The following CNTN5 variants were observed in gnomAD, a reference collection of about 807,000 sequenced individuals.
CNTN5 encodes the protein contactin 5.
Under a neutral mutation model 129.1 loss-of-function variants are expected in CNTN5, and 77 were observed. That is an observed-to-expected ratio of 0.60 (90% CI 0.50 to 0.72). The LOEUF is 0.72. Ranked by LOEUF, CNTN5 falls within the 30% of genes least tolerant of loss-of-function variation. The pLI is 0.00. For missense variants in CNTN5, 1,478 were observed against 1,328.8 expected (o/e 1.11, Z -1.75); for synonymous variants, 509 against 465.6 (o/e 1.09, Z -1.20).
At chr11:99,111,824 T>C (rs1857810035) in intron 1 of CNTN5, among the ~76,000 whole-genome samples, 1 of 152,030 alleles carries the variant, frequency 6.6e-6, no homozygotes, top group Admixed American at 6.6e-5. Context: ...TCTATATTTG[T>C]CCTAATTAAT....
intron 18 of CNTN5, among the ~76,000 whole-genome samples, chr11:100,282,731 CA>C (rs1215143103): frequency 6.7e-6 from 1 of 149,108 alleles, no homozygotes; most frequent in East Asian, 2.0e-4. Flanking sequence ...CCAGGGACTA[CA>C]GTCAAAATCC....
At chr11:99,591,863 T>C (rs1201845093) in intron 3 of CNTN5, among the ~76,000 whole-genome samples, 1 of 152,086 alleles carries the variant, frequency 6.6e-6, no homozygotes, top group Non-Finnish European at 1.5e-5. Context: ...CAAACTGAAA[T>C]ACCAGTATTT....
intron 13 of CNTN5, among the ~76,000 whole-genome samples, chr11:100,162,757 G>A (rs1369334225): frequency 6.6e-6 from 1 of 151,828 alleles, no homozygotes; most frequent in Non-Finnish European, 1.5e-5. Flanking sequence ...TGGTGCAAAT[G>A]CTTTTTCCCT....
At chr11:99,654,886 T>C (rs1451422322) in intron 3 of CNTN5, among the ~76,000 whole-genome samples, 4 of 102,540 alleles carry the variant, frequency 3.9e-5, no homozygotes, top group Non-Finnish European at 7.2e-5. Context: ...AGAAACTAGG[T>C]TGCAGCAGAA....
chr11:99,335,261 C>A (rs1381935294), intron 2 of CNTN5, among the ~76,000 whole-genome samples: 1 of 152,066 alleles, frequency 6.6e-6, no homozygotes, highest in Non-Finnish European at 1.5e-5. Flanking sequence ...CCTCTGCAAT[C>A]TTGTTCTAAA....
intron 6 of CNTN5, among the ~76,000 whole-genome samples, chr11:99,904,889 C>A (rs1283303094): frequency 1.3e-5 from 2 of 152,174 alleles, no homozygotes; most frequent in Non-Finnish European, 2.9e-5. Flanking sequence ...TCTCTAATGA[C>A]CAGCAATGAT....
chr11:100,148,958 T>C (rs1213299245), intron 13 of CNTN5, among the ~76,000 whole-genome samples: 1 of 152,222 alleles, frequency 6.6e-6, no homozygotes, highest in East Asian at 1.9e-4. Context: ...AAGAACTTGA[T>C]GAACATATTA....
intron 2 of CNTN5, among the ~76,000 whole-genome samples, chr11:99,336,948 A>T (rs73541009): frequency 6.6e-6 from 1 of 152,146 alleles, no homozygotes; most frequent in South Asian, 2.1e-4. Context: ...CTTGGTGTAC[A>T]GATTTTTTTT....
intron 1 of CNTN5, among the ~76,000 whole-genome samples, chr11:99,172,664 G>A (rs974765226): frequency 6.6e-6 from 1 of 152,124 alleles, no homozygotes; most frequent in Non-Finnish European, 1.5e-5. Context: ...AATTAAATAA[G>A]CACAACAATG....
At chr11:99,112,266 C>A (rs1354950998) in intron 1 of CNTN5, among the ~76,000 whole-genome samples, 3 of 151,908 alleles carry the variant, frequency 2.0e-5, no homozygotes, top group Non-Finnish European at 4.4e-5. Context: ...ATTATACACA[C>A]AGGGTCTCCA....
At chr11:100,228,531 C>G (rs1380339260) in intron 16 of CNTN5, among the ~76,000 whole-genome samples, 1 of 152,186 alleles carries the variant, frequency 6.6e-6, no homozygotes, top group Non-Finnish European at 1.5e-5. Flanking sequence ...CCTTGAATAT[C>G]TAACTTTACT....
intron 3 of CNTN5, among the ~76,000 whole-genome samples, chr11:99,592,942 T>A (rs1359612208): frequency 6.6e-6 from 1 of 152,112 alleles, no homozygotes; most frequent in Non-Finnish European, 1.5e-5. Context: ...AGCAAAAACA[T>A]TTTTTAATGT....
chr11:99,836,427 A>G (rs1342020406), intron 4 of CNTN5, among the ~76,000 whole-genome samples: 1 of 151,944 alleles, frequency 6.6e-6, no homozygotes, highest in South Asian at 2.1e-4. Flanking sequence ...TTTGCTGAGA[A>G]TGATGGTTTC....
At chr11:99,297,629 C>T (rs1015443375) in intron 1 of CNTN5, among the ~76,000 whole-genome samples, 4 of 152,046 alleles carry the variant, frequency 2.6e-5, no homozygotes, top group South Asian at 4.1e-4. Context: ...CACTGCCTTC[C>T]GGGCCTAATG....
At chr11:99,100,386 A>T (rs2135347586) in intron 1 of CNTN5, among the ~76,000 whole-genome samples, 1 of 152,274 alleles carries the variant, frequency 6.6e-6, no homozygotes, top group South Asian at 2.1e-4. Context: ...TCTAACATAA[A>T]ACTTAAATAA....
chr11:99,094,304 G>A (rs575541588), intron 1 of CNTN5, among the ~76,000 whole-genome samples: 3 of 151,998 alleles, frequency 2.0e-5, no homozygotes, highest in Non-Finnish European at 2.9e-5. Flanking sequence ...TTAAATTAAT[G>A]TGTGTCTAAA....
chr11:99,075,942 T>C (rs940257433), intron 1 of CNTN5, among the ~76,000 whole-genome samples: 2 of 152,216 alleles, frequency 1.3e-5, no homozygotes, highest in Non-Finnish European at 2.9e-5. Flanking sequence ...TATAATATCA[T>C]TTAAAATTAA....
chr11:99,428,450 A>G (rs1408877532), intron 2 of CNTN5, among the ~76,000 whole-genome samples: 2 of 149,924 alleles, frequency 1.3e-5, no homozygotes, highest in Non-Finnish European at 3.0e-5. Context: ...AGTCCCACCT[A>G]TTTGGGAGGT....
intron 3 of CNTN5, among the ~76,000 whole-genome samples, chr11:99,731,564 T>A (rs1023932951): frequency 1.2e-4 from 19 of 152,140 alleles, no homozygotes; most frequent in Admixed American, 7.2e-4. Context: ...AGGATAGCAG[T>A]GCTATATCAG....
Sources: allele counts gnomAD v4.1 joint callset (sites outside exome capture counted in the v4.1 genomes callset), GRCh38; gene constraint gnomAD v4.1.1; transcripts MANE v1.5; gene names NCBI Gene and HGNC (gene_info 2026-07-23, HGNC 2026-07-21).